Variants in AMD1 observed in about 807,000 individuals in gnomAD.
The protein encoded by AMD1 is S-adenosylmethionine decarboxylase proenzyme.
Under a neutral mutation model 40.2 loss-of-function variants are expected in AMD1, and 11 were observed. The observed-to-expected ratio is 0.27, with a 90% CI of 0.17 to 0.45. The LOEUF is 0.45. AMD1 is among the 20% of genes least tolerant of loss of function. AMD1 has a pLI of 1.00. For synonymous variants in AMD1, 121 were observed against 130.8 expected, an observed-to-expected ratio of 0.93 and a Z score of 0.51; for missense variants, 257 against 410.2, an observed-to-expected ratio of 0.63 and a Z score of 3.23.
intron 1 of AMD1, among the ~76,000 whole-genome samples, chr6:110,881,587 G>A (rs567507239): frequency 5.3e-5 from 8 of 152,166 alleles, no homozygotes; most frequent in South Asian, 2.1e-4. Context: ...AGGCCGAGGC[G>A]GGTGGATTGC....
At chr6:110,826,180 A>G in the AMD1 span, among the ~76,000 whole-genome samples, 1 of 148,938 alleles carries the variant, frequency 6.7e-6, no homozygotes, top group Non-Finnish European at 1.5e-5. Context: ...AAAAAAAAAA[A>G]AAAATCGCTT....
the AMD1 span, among the ~76,000 whole-genome samples, chr6:110,863,138 G>A: frequency 6.6e-6 from 1 of 151,478 alleles, no homozygotes; most frequent in African/African-American, 2.4e-5. Context: ...GTAGAGACGG[G>A]GTTTCACTAT....
At chr6:110,817,414 C>T in the AMD1 span, among the ~76,000 whole-genome samples, 3 of 152,244 alleles carry the variant, frequency 2.0e-5, no homozygotes, top group African/African-American at 4.8e-5. Context: ...TCAAGACCAG[C>T]CTGGCCAAGA....
chr6:110,857,525 C>G, the AMD1 span, among the ~76,000 whole-genome samples: 2 of 119,896 alleles, frequency 1.7e-5, no homozygotes, highest in African/African-American at 5.9e-5. Context: ...AAGTGAAACT[C>G]TGTCTCAAAA....
chr6:110,861,798 C>A, the AMD1 span, among the ~76,000 whole-genome samples: 2 of 149,484 alleles, frequency 1.3e-5, no homozygotes, highest in African/African-American at 4.9e-5. Flanking sequence ...GCCAAGATTG[C>A]GCCACTGCAC....
chr6:110,814,990 C>G, the AMD1 span: 1 of 1,601,768 alleles, frequency 6.2e-7, no homozygotes, highest in Non-Finnish European at 8.5e-7. Flanking sequence ...GAGCCTACTC[C>G]TCCCGCCCCT....
chr6:110,863,401 G>A, the AMD1 span, among the ~76,000 whole-genome samples: 1 of 139,568 alleles, frequency 7.2e-6, no homozygotes, highest in Non-Finnish European at 1.5e-5. Flanking sequence ...ACAGAGTCTC[G>A]CTCTGTCTCC....
the AMD1 span, among the ~76,000 whole-genome samples, chr6:110,823,069 T>C: frequency 2.6e-4 from 40 of 152,208 alleles, no homozygotes; most frequent in Admixed American, 7.2e-4. Flanking sequence ...GAGCCGAGAT[T>C]GTACCATTGC....
intron 1 of AMD1, among the ~76,000 whole-genome samples, chr6:110,879,278 T>C (rs1450259733): frequency 6.6e-6 from 1 of 152,134 alleles, no homozygotes; most frequent in African/African-American, 2.4e-5. Context: ...TTTGAGCCAT[T>C]GGGGGATCGA....
chr6:110,890,573 C>T (rs964536327), intron 4 of AMD1, among the ~76,000 whole-genome samples: 5 of 152,122 alleles, frequency 3.3e-5, no homozygotes, highest in African/African-American at 9.7e-5. Flanking sequence ...GCAGCCTCAA[C>T]ATCCCAGGCT....
At chr6:110,836,315 T>TA in the AMD1 span, among the ~76,000 whole-genome samples, 1 of 152,014 alleles carries the variant, frequency 6.6e-6, no homozygotes, top group Admixed American at 6.6e-5. Context: ...GTTTTTATCA[T>TA]AAAAAATAGA....
Position 110,892,419 on chromosome 6 carries a change from T to C in AMD1, c.591T>C (p.Gly197=), listed in dbSNP as rs1227793381. The C allele has an allele frequency of 1.2e-6, 2 of 1,612,326 alleles. No homozygotes were observed. The highest frequency in any genetic ancestry group is 1.7e-6 in the Non-Finnish European group (2 of 1,180,022). Residue 197 remains glycine, a synonymous_variant, in exon 6 of 9, where the codon GGT becomes GGC. Transcript: ENST00000368885. ...AVMDQFYMKD[G]VTAKDVTRES... ...TGGACCAGTTCTACATGAAAGATGG[T>C]GTTACTGCAAAGGATGTCACTCGTG... is the stretch of plus-strand genomic sequence containing the variant.
At chr6:110,881,390 A>G (rs1288316220) in intron 1 of AMD1, among the ~76,000 whole-genome samples, 1 of 152,200 alleles carries the variant, frequency 6.6e-6, no homozygotes, top group Non-Finnish European at 1.5e-5. Context: ...CTGGGTGGCA[A>G]AATTACTACA....
chr6:110,815,495 C>T, the AMD1 span: 1 of 176,970 alleles, frequency 5.7e-6, no homozygotes, highest in African/African-American at 2.4e-5. Context: ...CGCGGAGGCT[C>T]CTGGGAAATG....
the AMD1 span, among the ~76,000 whole-genome samples, chr6:110,841,881 C>T: frequency 1.3e-5 from 2 of 152,072 alleles, no homozygotes; most frequent in South Asian, 4.1e-4. Context: ...CAACTCATTG[C>T]AACCTCTGCC....
intron 1 of AMD1, among the ~76,000 whole-genome samples, chr6:110,887,215 T>G (rs1785745560): frequency 6.6e-6 from 1 of 152,222 alleles, no homozygotes; most frequent in South Asian, 2.1e-4. Context: ...AATCATTGAT[T>G]AGTTAATGGT....
At chr6:110,820,108 G>GT in the AMD1 span, among the ~76,000 whole-genome samples, 2 of 152,150 alleles carry the variant, frequency 1.3e-5, no homozygotes, top group Non-Finnish European at 2.9e-5. Flanking sequence ...AGAAATAACT[G>GT]TAAGTATACT....
chr6:110,843,021 T>C, the AMD1 span, among the ~76,000 whole-genome samples: 1 of 152,036 alleles, frequency 6.6e-6, no homozygotes, highest in African/African-American at 2.4e-5. Flanking sequence ...TAGTCCCAGC[T>C]ACTCGGGAGG....
chr6:110,845,268 A>C, the AMD1 span, among the ~76,000 whole-genome samples: 1 of 151,888 alleles, frequency 6.6e-6, no homozygotes. Context: ...CCAACTCCTG[A>C]CCTCAACCGA....
Sources: gnomAD v4.1 joint callset for allele counts (sites outside exome capture counted in the v4.1 genomes callset) on GRCh38, gnomAD v4.1.1 for gene constraint, MANE v1.5 for transcripts, NCBI Gene and HGNC (gene_info 2026-07-23, HGNC 2026-07-21) for gene names.